Variants in OSBPL3 observed in about 807,000 individuals in gnomAD.
The protein encoded by OSBPL3 is oxysterol binding protein like 3.
A neutral mutation model predicts 120.1 loss-of-function variants in OSBPL3; 65 were observed. That is an observed-to-expected ratio of 0.54 (90% confidence interval 0.44 to 0.67). The LOEUF (loss-of-function observed/expected upper bound fraction) is 0.67, where lower values mean the gene tolerates loss of function less well. Ranked by LOEUF, OSBPL3 falls within the 30% of genes least tolerant of loss-of-function variation. The probability of loss-of-function intolerance (pLI) is 0.00; values close to 1 mark genes in which losing one functional copy is unlikely to be tolerated. For missense variants in OSBPL3, 1,004 were observed against 1,082.1 expected (o/e 0.93, Z 1.01); for synonymous variants, 416 against 402.6 (o/e 1.03, Z -0.40).
intron 16 of OSBPL3, among the ~76,000 whole-genome samples, chr7:24,828,606 G>GAAGAAAAAAAAAAAAAA (rs1554349905): frequency 3.1e-5 from 1 of 32,522 alleles, no homozygotes. Flanking sequence ...GACTCTGTCT[G>GAAGAAAAAAAAAAAAAA]AAAAAAAAAA....
At position 24,820,668 on chromosome 7, in the gene OSBPL3, C is replaced by A. The variant is rs959603213; in HGVS notation, c.1885-430G>T. 6.6e-6 allele frequency among the ~76,000 whole-genome samples: 1 copy of A among 152,154 alleles called. No homozygotes were observed. The highest frequency in any genetic ancestry group is 1.5e-5 in the Non-Finnish European group (1 of 68,014). On this transcript the variant is annotated intron_variant, in intron 16 of 22. Coordinates refer to ENST00000313367, the MANE Select transcript of OSBPL3 (RefSeq NM_015550.4). This position sits in a 1 kb window ranked among gnomAD's most constrained non-coding sequence, Gnocchi z 4.6. ...ATGTTTTAATTAAGATATCAAATAA[C>A]AAGTATTTTAAATGCAACCCAAAAT... is the stretch of plus-strand genomic sequence containing the variant.
intron 10 of OSBPL3, among the ~76,000 whole-genome samples, chr7:24,859,450 T>C (rs1010773588): frequency 2.6e-5 from 4 of 152,220 alleles, no homozygotes; most frequent in African/African-American, 9.6e-5. Context: ...AGTATACCTA[T>C]ATATGCCCGA....
chr7:24,917,403 T>TAC (rs1809752155), intron 1 of OSBPL3, among the ~76,000 whole-genome samples: 3 of 76,100 alleles, frequency 3.9e-5, no homozygotes, highest in East Asian at 1.4e-3. Flanking sequence ...ATTTGTAACA[T>TAC]ATATATATAT....
chr7:24,973,313 A>G (rs539500718), intron 1 of OSBPL3, among the ~76,000 whole-genome samples: 1 of 152,330 alleles, frequency 6.6e-6, no homozygotes, highest in African/African-American at 2.4e-5. Flanking sequence ...ATCTAAAGAA[A>G]CTTTTATGAA....
At position 24,871,389 on chromosome 7, in the gene OSBPL3, G is replaced by A. The variant is rs758706421; in HGVS notation, c.267+353C>T. Among the ~76,000 whole-genome samples the A allele has an allele frequency of 3.9e-5, 6 of 152,154 alleles. No individual in the cohort carries two copies. The highest frequency in any genetic ancestry group is 7.4e-5 in the Non-Finnish European group (5 of 68,006). On this transcript the variant is annotated intron_variant, in intron 4 of 22. Transcript: ENST00000313367. The surrounding 1 kb of genome is among the most constrained non-coding windows in gnomAD (Gnocchi z 4.8). ...ATTTGAAAAGGAACTTCTTCACCCA[G>A]GGGCTTCTCCCCGGAATCTCTCGGT...
Position 24,849,298 on chromosome 7 carries a change from A to T in OSBPL3, c.1159-122T>A. ...GAAACTCTTAGTGACGTGGTCTGAC[A>T]GCGCACTTTCTGGACTTTTTCCTTG... is the stretch of plus-strand genomic sequence containing the variant. On this transcript the variant is annotated intron_variant, in intron 11 of 22. Coordinates refer to ENST00000313367, the MANE Select transcript of OSBPL3 (RefSeq NM_015550.4). The surrounding 1 kb of genome is among the most constrained non-coding windows in gnomAD (Gnocchi z 5.4). 1.5e-6 allele frequency: 1 copy of T among 680,168 alleles called. No homozygotes were observed. The highest frequency in any genetic ancestry group is 1.9e-5 in the South Asian group (1 of 53,182). The allele number at this position is 680,168 out of a possible 1,614,324, so 42.1% of individuals were successfully genotyped here.
In OSBPL3 at chr7:24,930,024, TA is replaced by T. The variant is rs1410520733; in HGVS notation, c.-149-37404del. ...CTCATAGAGCAAGGTAAGGGTAAAG[TA>T]AAGGTGAAGGCATCGTTAATGATAA... On this transcript the variant is annotated intron_variant, in intron 1 of 22. Coordinates refer to ENST00000313367, the MANE Select transcript of OSBPL3 (RefSeq NM_015550.4). This position sits in a 1 kb window ranked among gnomAD's most constrained non-coding sequence, Gnocchi z 4.4. Among the ~76,000 whole-genome samples, 1 of 152,116 alleles carries T rather than the reference TA, an allele frequency of 6.6e-6. No individual in the cohort carries two copies. The highest frequency in any genetic ancestry group is 1.9e-4 in the East Asian group (1 of 5,192).
At chr7:24,923,468 C>T (rs1008287726) in intron 1 of OSBPL3, among the ~76,000 whole-genome samples, 1 of 152,212 alleles carries the variant, frequency 6.6e-6, no homozygotes, top group Non-Finnish European at 1.5e-5. Context: ...TAGGCAGACT[C>T]TGAAGACCAC....
chr7:24,954,751 T>C (rs571234980), intron 1 of OSBPL3, among the ~76,000 whole-genome samples: 1 of 152,334 alleles, frequency 6.6e-6, no homozygotes, highest in African/African-American at 2.4e-5. Context: ...CTCTCTTTAA[T>C]TTCAAACCTG....
rs191918010 is a variant in OSBPL3, at chr7:24,931,916, G to A, written c.-149-39295C>T. ...TATATGGGGAAGCTGAGGCTTAATG[G>A]AAAAACATTAGGAGTTAGAAAACCT... On this transcript the variant is annotated intron_variant, in intron 1 of 22. Coordinates refer to ENST00000313367, the MANE Select transcript of OSBPL3 (RefSeq NM_015550.4). Among the ~76,000 whole-genome samples, 817 of 152,294 alleles carry A rather than the reference G, an allele frequency of 5.4e-3. 5 individuals carry two copies. Among genetic ancestry groups the A allele is most frequent in the Admixed American group, 8.9e-3 (136 of 15,302 alleles).
At chr7:24,832,422 A>C (rs1796491920) in intron 15 of OSBPL3, among the ~76,000 whole-genome samples, 1 of 150,666 alleles carries the variant, frequency 6.6e-6, no homozygotes, top group Admixed American at 6.7e-5. Context: ...AAGTAGGAGA[A>C]TCACTTGAAT....
chr7:24,875,869 T>C (rs994847894), intron 2 of OSBPL3, among the ~76,000 whole-genome samples: 1 of 152,090 alleles, frequency 6.6e-6, no homozygotes, highest in African/African-American at 2.4e-5. Flanking sequence ...AGGACATTGG[T>C]TACGTGGACG....
intron 1 of OSBPL3, among the ~76,000 whole-genome samples, chr7:24,921,006 C>T (rs1810318076): frequency 2.6e-5 from 4 of 152,172 alleles, no homozygotes; most frequent in Admixed American, 2.0e-4. Context: ...AGGCTTTCTT[C>T]TATCCCAAGA....
At chr7:24,870,932 T>A in intron 4 of OSBPL3, 87 bp from the exon 5 acceptor site, 1 of 845,764 alleles carries the variant, frequency 1.2e-6, no homozygotes, top group Admixed American at 1.8e-5. Context: ...CATCCCCTGA[T>A]AGTAAAATCA....
Position 24,863,134 on chromosome 7 carries a change from G to T in OSBPL3, c.870+66C>A. On this transcript the variant is annotated intron_variant, in intron 9 of 22. Coordinates refer to ENST00000313367, the MANE Select transcript of OSBPL3 (RefSeq NM_015550.4). This position sits in a 1 kb window ranked among gnomAD's most constrained non-coding sequence, Gnocchi z 5.8. Reference sequence around the variant, plus strand: ...TTCTCCTAGCTGAGTCAAGGTAGCTGCTGGCACACGGCATGCAGAGCAGGG... The same window carrying T: ...TTCTCCTAGCTGAGTCAAGGTAGCTTCTGGCACACGGCATGCAGAGCAGGG... 1 of 1,129,484 alleles carries T rather than the reference G, an allele frequency of 8.9e-7. No individual in the cohort carries two copies. Among genetic ancestry groups the T allele is most frequent in the Non-Finnish European group, 1.4e-6 (1 of 738,756 alleles). 70.0% of individuals were successfully genotyped at this position (1,129,484 alleles called of 1,614,324 possible).
At chr7:24,809,027 T>C (rs1361932479) in intron 20 of OSBPL3, among the ~76,000 whole-genome samples, 1 of 152,174 alleles carries the variant, frequency 6.6e-6, no homozygotes, top group African/African-American at 2.4e-5. Flanking sequence ...CTGATCTGTG[T>C]GTCCTTGACA....
upstream of OSBPL3, among the ~76,000 whole-genome samples, chr7:24,980,378 G>A (rs1346803758): frequency 1.3e-5 from 2 of 152,106 alleles, no homozygotes; most frequent in Non-Finnish European, 2.9e-5. Context: ...CCATGACGCG[G>A]CGGGGGAACT....
chr7:24,862,029 G>A lies in OSBPL3; in HGVS notation c.871-260C>T, dbSNP rs1562843852. ...AGCCTCCCAAGTAGCTGGGACTACA[G>A]GCGCCCGCCACCACGCCCGGCTAAT... On this transcript the variant is annotated intron_variant, in intron 9 of 22. Transcript: ENST00000313367. This position sits in a 1 kb window ranked among gnomAD's most constrained non-coding sequence, Gnocchi z 4.4. Among the ~76,000 whole-genome samples the A allele has an allele frequency of 6.6e-6, 1 of 152,044 alleles. No individual in the cohort carries two copies. The highest frequency in any genetic ancestry group is 2.4e-5 in the African/African-American group (1 of 41,396).
chr7:24,882,221 T>C (rs1369662195), intron 2 of OSBPL3, among the ~76,000 whole-genome samples: 1 of 152,170 alleles, frequency 6.6e-6, no homozygotes, highest in Non-Finnish European at 1.5e-5. Context: ...ACGTACATTG[T>C]GTCCATTACC....
Sources: allele counts gnomAD v4.1 joint callset (sites outside exome capture counted in the v4.1 genomes callset), GRCh38; gene constraint gnomAD v4.1.1; non-coding constraint Gnocchi (gnomAD v3.1); transcripts MANE v1.5; gene names NCBI Gene and HGNC (gene_info 2026-07-23, HGNC 2026-07-21).